The following POFUT3 variants were observed in gnomAD, a reference collection of about 807,000 sequenced individuals.
POFUT3 encodes the protein GDP-fucose protein O-fucosyltransferase 3.
At chr8:33,453,234 T>A in the POFUT3 span, 1 of 1,614,062 alleles carries the variant, frequency 6.2e-7, no homozygotes, top group Admixed American at 1.7e-5. Flanking sequence ...AGGAATGCTT[T>A]GGTCATGTGA....
chr8:33,349,651 T>C, the POFUT3 span, among the ~76,000 whole-genome samples: 1 of 152,218 alleles, frequency 6.6e-6, no homozygotes, highest in African/African-American at 2.4e-5. Flanking sequence ...CCATGGTGTA[T>C]ATGTACCATA....
the POFUT3 span, among the ~76,000 whole-genome samples, chr8:33,316,102 G>C: frequency 6.6e-6 from 1 of 152,136 alleles, no homozygotes; most frequent in Non-Finnish European, 1.5e-5. Context: ...GCTTGTTCAT[G>C]CTGCACTTCT....
the POFUT3 span, among the ~76,000 whole-genome samples, chr8:33,339,568 T>C: frequency 6.6e-6 from 1 of 152,172 alleles, no homozygotes; most frequent in Non-Finnish European, 1.5e-5. Flanking sequence ...CAAAAACCTG[T>C]AGATTCAAGA....
chr8:33,466,028 G>T, the POFUT3 span, among the ~76,000 whole-genome samples: 1 of 152,160 alleles, frequency 6.6e-6, no homozygotes, highest in Non-Finnish European at 1.5e-5. Context: ...TATGACAGAA[G>T]AATTTTAAGA....
the POFUT3 span, among the ~76,000 whole-genome samples, chr8:33,323,645 T>A: frequency 6.6e-6 from 1 of 152,132 alleles, no homozygotes. Flanking sequence ...AATTCAAGAA[T>A]ATATAACAGC....
the POFUT3 span, among the ~76,000 whole-genome samples, chr8:33,422,545 CAAAAAAAAAAAAAA>C: frequency 2.7e-5 from 1 of 37,130 alleles, no homozygotes; most frequent in Non-Finnish European, 5.2e-5. Flanking sequence ...AACTCTGTCT[CAAAAAAAAAAAAAA>C]AAAAAAAAAA....
the POFUT3 span, among the ~76,000 whole-genome samples, chr8:33,408,745 A>G: frequency 6.6e-6 from 1 of 152,142 alleles, no homozygotes; most frequent in African/African-American, 2.4e-5. Flanking sequence ...TAAACTGGCA[A>G]AACTAACCTG....
the POFUT3 span, among the ~76,000 whole-genome samples, chr8:33,370,401 G>A: frequency 2.0e-5 from 3 of 152,138 alleles, no homozygotes; most frequent in Non-Finnish European, 4.4e-5. Flanking sequence ...ATGTACTGAA[G>A]GGCTAAGCAA....
At chr8:33,415,702 G>A in the POFUT3 span, among the ~76,000 whole-genome samples, 1 of 152,146 alleles carries the variant, frequency 6.6e-6, no homozygotes, top group African/African-American at 2.4e-5. Flanking sequence ...GGGAAAATAG[G>A]ATTAAAGTCC....
the POFUT3 span, among the ~76,000 whole-genome samples, chr8:33,462,169 G>GA: frequency 0.073 from 445 of 6,060 alleles, 120 homozygotes; most frequent in African/African-American, 0.079. Flanking sequence ...AAGGGGAAGG[G>GA]ACCAGAGTGG....
chr8:33,372,482 G>C, the POFUT3 span: 1 of 1,474,764 alleles, frequency 6.8e-7, no homozygotes, highest in South Asian at 1.4e-5. Context: ...CTGATGGATA[G>C]TCAACAGAAT....
the POFUT3 span, among the ~76,000 whole-genome samples, chr8:33,322,891 C>T: frequency 2.0e-5 from 3 of 152,014 alleles, no homozygotes; most frequent in South Asian, 6.2e-4. Flanking sequence ...TCCTTCAGAG[C>T]TCACTGTGAG....
the POFUT3 span, among the ~76,000 whole-genome samples, chr8:33,459,339 C>CA: frequency 1.1e-3 from 171 of 150,198 alleles, no homozygotes; most frequent in African/African-American, 3.9e-3. Context: ...AAACTCCACT[C>CA]AAAAAAAAAG....
At chr8:33,402,566 G>A in the POFUT3 span, among the ~76,000 whole-genome samples, 584 of 152,202 alleles carry the variant, frequency 3.8e-3, 6 homozygotes, top group African/African-American at 0.013. Context: ...TCTCATCACT[G>A]AAACAGCAAA....
the POFUT3 span, among the ~76,000 whole-genome samples, chr8:33,343,930 A>G: frequency 6.6e-6 from 1 of 151,982 alleles, no homozygotes; most frequent in African/African-American, 2.4e-5. Context: ...GGGTGTTAGG[A>G]CCCCCAACCC....
chr8:33,359,050 A>G, the POFUT3 span, among the ~76,000 whole-genome samples: 1 of 152,196 alleles, frequency 6.6e-6, no homozygotes, highest in Non-Finnish European at 1.5e-5. Context: ...ATTTTGTTAT[A>G]GCAGCCTGAA....
the POFUT3 span, among the ~76,000 whole-genome samples, chr8:33,458,513 G>A: frequency 6.6e-6 from 1 of 151,964 alleles, no homozygotes; most frequent in Non-Finnish European, 1.5e-5. Flanking sequence ...TCAGGAGTTC[G>A]AGACCACCCT....
the POFUT3 span, among the ~76,000 whole-genome samples, chr8:33,327,546 G>A: frequency 0.27 from 40,587 of 151,698 alleles, 5,859 homozygotes; most frequent in South Asian, 0.5. Flanking sequence ...AGCTCCTCCT[G>A]TTTCAGAAAA....
the POFUT3 span, among the ~76,000 whole-genome samples, chr8:33,411,294 C>T: frequency 2.0e-4 from 30 of 152,280 alleles, no homozygotes; most frequent in Non-Finnish European, 3.4e-4. Context: ...TAATCCACAG[C>T]ACAGCTGGAA....
Sources: allele counts gnomAD v4.1 joint callset (sites outside exome capture counted in the v4.1 genomes callset), GRCh38; gene constraint gnomAD v4.1.1; transcripts MANE v1.5; gene names NCBI Gene and HGNC (gene_info 2026-07-23, HGNC 2026-07-21).